Variants in C10orf90 observed in about 807,000 individuals in gnomAD.
C10orf90 encodes chromosome 10 open reading frame 90, also known as (E2-independent) E3 ubiquitin-conjugating enzyme FATS.
C10orf90 carries 56 observed loss-of-function variants against 62.5 expected under a neutral mutation model. The ratio of observed to expected loss-of-function variants is 0.90; its 90% CI spans 0.72 to 1.12. C10orf90 has a LOEUF of 1.12. C10orf90 is among the 50% of genes most tolerant of loss of function. The pLI is 0.00. For missense variants in C10orf90, 970 were observed against 880.4 expected (o/e 1.10, Z -1.29); for synonymous variants, 386 against 340.4 (o/e 1.13, Z -1.47).
chr10:126,633,998 C>T (rs72839086), intron 2 of C10orf90, among the ~76,000 whole-genome samples: 74 of 152,266 alleles, frequency 4.9e-4, no homozygotes, highest in Non-Finnish European at 1.0e-3. Context: ...GGCGAAGAAG[C>T]AGAGGAATTG....
chr10:126,459,242 C>T, intron 6 of C10orf90, 25 bp from the exon 7 acceptor site: 1 of 1,611,292 alleles, frequency 6.2e-7, no homozygotes, highest in Non-Finnish European at 8.5e-7. Context: ...GAAAATACGT[C>T]ATTTTTAAGA....
At chr10:126,565,217 T>TTATATTACATAATATGTAATATAATA (rs1844330332) in intron 2 of C10orf90, among the ~76,000 whole-genome samples, 10 of 17,372 alleles carry the variant, frequency 5.8e-4, no homozygotes, top group Admixed American at 1.1e-3. Flanking sequence ...GTAATATAAT[T>TTATATTACATAATATGTAATATAATA]TTTATATTAC....
chr10:126,624,974 A>T (rs1228849932), intron 2 of C10orf90, among the ~76,000 whole-genome samples: 2 of 152,212 alleles, frequency 1.3e-5, no homozygotes, highest in African/African-American at 4.8e-5. Flanking sequence ...GTCTATTAAA[A>T]TGTTAAACTC....
intron 1 of C10orf90, among the ~76,000 whole-genome samples, chr10:126,647,430 CT>C (rs1405819167): frequency 6.6e-6 from 1 of 152,220 alleles, no homozygotes; most frequent in Non-Finnish European, 1.5e-5. Flanking sequence ...CTGAGTTAAA[CT>C]TTTTGGTGTT....
rs1466696621 is a variant in C10orf90, at chr10:126,583,449, C to G, written c.313+63116G>C. Among the ~76,000 whole-genome samples the G allele has an allele frequency of 2.0e-5, 3 of 152,174 alleles. No homozygotes were observed. In the East Asian group the frequency reaches 5.8e-4, roughly 29 times the overall value. Reference sequence around the variant, plus strand: ...GTTGGCTGACAGATCCCTTATTCAACTTTATATTTCAGGTTTAAAAGCTCT... The same window carrying G: ...GTTGGCTGACAGATCCCTTATTCAAGTTTATATTTCAGGTTTAAAAGCTCT... On this transcript the variant is annotated intron_variant, in intron 2 of 9. Coordinates refer to ENST00000488181, the MANE Select transcript of C10orf90 (RefSeq NM_001350921.2).
intron 2 of C10orf90, among the ~76,000 whole-genome samples, chr10:126,555,619 C>A (rs989796352): frequency 1.3e-5 from 2 of 151,424 alleles, no homozygotes; most frequent in African/African-American, 4.9e-5. Context: ...GTGGAGGTTG[C>A]AGTGAGCTGA....
chr10:126,467,654 AC>A (rs1388530190), intron 4 of C10orf90, among the ~76,000 whole-genome samples: 4 of 152,146 alleles, frequency 2.6e-5, no homozygotes, highest in African/African-American at 9.7e-5. Flanking sequence ...TGTCCTTTAA[AC>A]AGAAACATTC....
At chr10:126,555,770 T>C (rs1428132617) in intron 2 of C10orf90, among the ~76,000 whole-genome samples, 1 of 151,722 alleles carries the variant, frequency 6.6e-6, no homozygotes, top group Non-Finnish European at 1.5e-5. Context: ...TACACTTGGG[T>C]CAATGCGAGT....
intron 2 of C10orf90, among the ~76,000 whole-genome samples, chr10:126,572,714 G>A (rs1844531761): frequency 6.6e-6 from 1 of 152,076 alleles, no homozygotes; most frequent in Non-Finnish European, 1.5e-5. Context: ...CTGTGATTTA[G>A]AATGCCTTAA....
intron 2 of C10orf90, among the ~76,000 whole-genome samples, chr10:126,521,817 C>A (rs1863757196): frequency 6.6e-6 from 1 of 152,140 alleles, no homozygotes; most frequent in South Asian, 2.1e-4. Context: ...ATCTTTGACA[C>A]TAAATTATAA....
chr10:126,502,814 G>A, intron 4 of C10orf90: 1 of 528,468 alleles, frequency 1.9e-6, no homozygotes, highest in Non-Finnish European at 3.9e-6. Context: ...AGCTGCTTAT[G>A]TTGTCCTTCT....
chr10:126,495,483 T>C (rs914005062), intron 4 of C10orf90, among the ~76,000 whole-genome samples: 1 of 152,228 alleles, frequency 6.6e-6, no homozygotes, highest in Non-Finnish European at 1.5e-5. Context: ...CATGGGGCTA[T>C]GACCTAGCAG....
chr10:126,651,489 G>A (rs1846290366), intron 1 of C10orf90, among the ~76,000 whole-genome samples: 1 of 152,214 alleles, frequency 6.6e-6, no homozygotes, highest in Non-Finnish European at 1.5e-5. Flanking sequence ...AAAAATTATT[G>A]TTGAATCACA....
At chr10:126,615,677 A>C (rs1845526580) in intron 2 of C10orf90, among the ~76,000 whole-genome samples, 1 of 152,168 alleles carries the variant, frequency 6.6e-6, no homozygotes, top group Non-Finnish European at 1.5e-5. Flanking sequence ...AAGGCATTGT[A>C]GGGACCAAAA....
At chr10:126,576,673 GTATACA>G (rs1386888679) in intron 2 of C10orf90, among the ~76,000 whole-genome samples, 5 of 46,220 alleles carry the variant, frequency 1.1e-4, no homozygotes, top group Non-Finnish European at 2.1e-4. Context: ...ACATATATAT[GTATACA>G]TATACATATA....
intron 2 of C10orf90, among the ~76,000 whole-genome samples, chr10:126,585,033 G>A (rs527513317): frequency 1.3e-5 from 2 of 151,918 alleles, no homozygotes; most frequent in Admixed American, 6.6e-5. Context: ...ATCAGATTTC[G>A]ATCTGGGAGA....
intron 2 of C10orf90, among the ~76,000 whole-genome samples, chr10:126,547,414 CAA>C (rs55740296): frequency 0.32 from 40,264 of 124,822 alleles, 5,807 homozygotes; most frequent in Middle Eastern, 0.43. Context: ...GCAAGACTGT[CAA>C]AAAAAAAAAA....
intron 1 of C10orf90, among the ~76,000 whole-genome samples, chr10:126,650,704 T>C (rs551487928): frequency 6.6e-6 from 1 of 152,242 alleles, no homozygotes; most frequent in Non-Finnish European, 1.5e-5. Context: ...GATATTCACA[T>C]GACTTCATTT....
intron 2 of C10orf90, among the ~76,000 whole-genome samples, chr10:126,620,372 T>C (rs534087878): frequency 6.6e-6 from 1 of 152,286 alleles, no homozygotes; most frequent in South Asian, 2.1e-4. Context: ...CACCTGCAAG[T>C]CTGTGGCTGG....
Sources: gnomAD v4.1 joint callset for allele counts (sites outside exome capture counted in the v4.1 genomes callset) on GRCh38, gnomAD v4.1.1 for gene constraint, MANE v1.5 for transcripts, NCBI Gene and HGNC (gene_info 2026-07-23, HGNC 2026-07-21) for gene names.